The following RAB27B variants were observed in gnomAD, a reference collection of about 807,000 sequenced individuals.
The protein encoded by RAB27B is RAB27B, member RAS oncogene family, also known as ras-related protein Rab-27B.
A neutral mutation model predicts 24.6 loss-of-function variants in RAB27B; 15 were observed. That is an observed-to-expected ratio of 0.61 (90% CI 0.41 to 0.94). The LOEUF is 0.94. Ranked by LOEUF, RAB27B falls within the 40% of genes least tolerant of loss-of-function variation. RAB27B has a pLI of 0.00. For synonymous variants in RAB27B, 105 were observed against 92.5 expected (o/e 1.14, Z -0.78); for missense variants, 261 against 266.8 (o/e 0.98, Z 0.15).
chr18:54,866,234 A>G (rs1009917916), intron 1 of RAB27B, among the ~76,000 whole-genome samples: 1 of 151,930 alleles, frequency 6.6e-6, no homozygotes, highest in Non-Finnish European at 1.5e-5. Context: ...TTACAGTGTG[A>G]CTCTCAGGGG....
intron 2 of RAB27B, among the ~76,000 whole-genome samples, chr18:54,800,163 C>A (rs551685191): frequency 5.9e-5 from 9 of 152,178 alleles, no homozygotes; most frequent in Non-Finnish European, 1.0e-4. Context: ...TTTGTTCATT[C>A]CCTTTGGCAG....
chr18:54,792,988 G>A (rs1260317528), intron 2 of RAB27B, among the ~76,000 whole-genome samples: 2 of 151,992 alleles, frequency 1.3e-5, no homozygotes, highest in South Asian at 2.1e-4. Flanking sequence ...CTGTATATAC[G>A]GATTTTGCAT....
chr18:54,859,633 C>A (rs1911933000), intron 1 of RAB27B, among the ~76,000 whole-genome samples: 1 of 152,188 alleles, frequency 6.6e-6, no homozygotes, highest in South Asian at 2.1e-4. Context: ...TTAAAATGCA[C>A]CAAACAGCAG....
upstream of RAB27B, among the ~76,000 whole-genome samples, chr18:54,825,879 T>C (rs1027337982): frequency 3.3e-5 from 5 of 152,202 alleles, no homozygotes; most frequent in African/African-American, 1.2e-4. Flanking sequence ...TATGCTGAGA[T>C]TTCTGCCTCC....
At chr18:54,845,338 C>A (rs923957223) in intron 1 of RAB27B, among the ~76,000 whole-genome samples, 2 of 142,578 alleles carry the variant, frequency 1.4e-5, no homozygotes, top group Non-Finnish European at 3.0e-5. Context: ...ACCCAGGAGA[C>A]AGAGGTTGTA....
intron 2 of RAB27B, among the ~76,000 whole-genome samples, chr18:54,777,649 C>G (rs1214072322): frequency 6.6e-6 from 1 of 152,184 alleles, no homozygotes; most frequent in Non-Finnish European, 1.5e-5. Context: ...AGCTGCAGTT[C>G]TTTAGGGTGA....
chr18:54,871,369 C>A (rs954819364), intron 1 of RAB27B, among the ~76,000 whole-genome samples: 1 of 152,092 alleles, frequency 6.6e-6, no homozygotes, highest in Admixed American at 6.6e-5. Flanking sequence ...TGGGAACCAC[C>A]CTGAGGCTAT....
At chr18:54,730,355 T>C (rs542499669) in intron 2 of RAB27B, among the ~76,000 whole-genome samples, 1 of 152,310 alleles carries the variant, frequency 6.6e-6, no homozygotes, top group Non-Finnish European at 1.5e-5. Context: ...GACTGCGCCT[T>C]CCGACAAATG....
At chr18:54,741,120 G>T (rs547377774) in intron 2 of RAB27B, among the ~76,000 whole-genome samples, 1 of 152,084 alleles carries the variant, frequency 6.6e-6, no homozygotes, top group Non-Finnish European at 1.5e-5. Flanking sequence ...CAAAGATAAG[G>T]TAAAATACAG....
At chr18:54,781,540 C>A (rs960147400) in intron 2 of RAB27B, among the ~76,000 whole-genome samples, 1 of 152,072 alleles carries the variant, frequency 6.6e-6, no homozygotes, top group African/African-American at 2.4e-5. Context: ...TTGATACTTG[C>A]ACAGACTGGT....
chr18:54,762,484 A>T (rs1339933876), intron 2 of RAB27B, among the ~76,000 whole-genome samples: 1 of 152,122 alleles, frequency 6.6e-6, no homozygotes, highest in East Asian at 1.9e-4. Flanking sequence ...CCATAGTCTA[A>T]CTTTATTTCC....
At chr18:54,858,724 C>T (rs1312068745) in intron 1 of RAB27B, among the ~76,000 whole-genome samples, 2 of 152,096 alleles carry the variant, frequency 1.3e-5, no homozygotes, top group Admixed American at 6.6e-5. Flanking sequence ...CTTCTCTCTG[C>T]TCCACTGCTT....
chr18:54,799,967 GA>G (rs1189667538), intron 2 of RAB27B, among the ~76,000 whole-genome samples: 3 of 152,050 alleles, frequency 2.0e-5, no homozygotes, highest in Non-Finnish European at 4.4e-5. Flanking sequence ...TTTTTAAGGA[GA>G]ATAACCGTTA....
At chr18:54,815,427 G>A (rs1910091608) in intron 2 of RAB27B, among the ~76,000 whole-genome samples, 1 of 152,178 alleles carries the variant, frequency 6.6e-6, no homozygotes, top group Non-Finnish European at 1.5e-5. Flanking sequence ...AAAGGACAAT[G>A]ATTCTCATTT....
Position 54,819,548 on chromosome 18 carries a change from G to GA in RAB27B, c.-19-58009dup, listed in dbSNP as rs770260592. On this transcript the variant is annotated intron_variant, in intron 2 of 4. Transcript: ENST00000586570. Reference sequence around the variant, plus strand: ...CTCCATCTCAAAAAAAAAAAAAAAAGAAAAAAAAAAGAATAGATCATGTTC... The same window carrying GA: ...CTCCATCTCAAAAAAAAAAAAAAAAGAAAAAAAAAAAGAATAGATCATGTTC... 4.9e-3 allele frequency among the ~76,000 whole-genome samples: 585 copies of GA among 120,062 alleles called. 4 individuals are homozygous for GA. The highest frequency in any genetic ancestry group is 0.017 in the East Asian group (69 of 4,128). 78.8% of individuals were successfully genotyped at this position (120,062 alleles called of 152,430 possible). A position where few individuals can be genotyped will look rare whatever the true frequency, so the allele number is the denominator to read the frequency against.
chr18:54,879,190 T>C (rs910955578), intron 2 of RAB27B, among the ~76,000 whole-genome samples, 179 bp from the exon 3 acceptor site: 5 of 152,174 alleles, frequency 3.3e-5, no homozygotes, highest in Non-Finnish European at 7.4e-5. Flanking sequence ...ATACTTGCAC[T>C]TGACATTTAA....
At chr18:54,767,184 C>T (rs1598889075) in intron 2 of RAB27B, among the ~76,000 whole-genome samples, 1 of 152,240 alleles carries the variant, frequency 6.6e-6, no homozygotes, top group South Asian at 2.1e-4. Flanking sequence ...GAATGAAACA[C>T]CCAAATACTT....
intron 2 of RAB27B, among the ~76,000 whole-genome samples, chr18:54,786,265 G>T (rs577675280): frequency 1.8e-4 from 27 of 152,276 alleles, no homozygotes; most frequent in African/African-American, 6.0e-4. Context: ...CATTTTTGAA[G>T]AAAAGTAACA....
At chr18:54,881,663 C>T (rs1912929797) in intron 3 of RAB27B, among the ~76,000 whole-genome samples, 1 of 152,126 alleles carries the variant, frequency 6.6e-6, no homozygotes, top group Non-Finnish European at 1.5e-5. Flanking sequence ...ACCCTGCTGA[C>T]TCAATAGACA....
Sources: gnomAD v4.1 joint callset for allele counts (sites outside exome capture counted in the v4.1 genomes callset) on GRCh38, gnomAD v4.1.1 for gene constraint, MANE v1.5 for transcripts, NCBI Gene and HGNC (gene_info 2026-07-23, HGNC 2026-07-21) for gene names.